The following SLC24A2 variants were observed in gnomAD, a reference collection of about 807,000 sequenced individuals.
SLC24A2 encodes sodium/potassium/calcium exchanger 2.
In SLC24A2, 36 loss-of-function variants were observed where a neutral mutation model predicts 62.0. That is an observed-to-expected ratio of 0.58 (90% CI 0.44 to 0.77). The LOEUF (loss-of-function observed/expected upper bound fraction) is 0.77. SLC24A2 is among the 30% of genes least tolerant of loss of function. The pLI is 0.00. For synonymous variants in SLC24A2, 358 were observed against 294.0 expected (o/e 1.22, Z -2.23); for missense variants, 846 against 817.9 (o/e 1.03, Z -0.42).
the SLC24A2 span, among the ~76,000 whole-genome samples, chr9:19,907,292 A>C: frequency 6.6e-6 from 1 of 152,236 alleles, no homozygotes; most frequent in African/African-American, 2.4e-5. Flanking sequence ...CATGCTAAAA[A>C]CACTCAATAA....
chr9:19,708,808 A>G (rs1041871016), intron 2 of SLC24A2, among the ~76,000 whole-genome samples: 1 of 152,200 alleles, frequency 6.6e-6, no homozygotes, highest in Non-Finnish European at 1.5e-5. Flanking sequence ...AAACCCTAGA[A>G]GAAAACCTAG....
chr9:20,093,416 CTTTTTT>C, the SLC24A2 span, among the ~76,000 whole-genome samples: 81 of 152,022 alleles, frequency 5.3e-4, 1 homozygote, highest in African/African-American at 1.9e-3. Flanking sequence ...TTCTTTTTAT[CTTTTTT>C]GAGTTACTCT....
At chr9:19,768,712 G>A (rs904195865) in intron 2 of SLC24A2, among the ~76,000 whole-genome samples, 2 of 152,134 alleles carry the variant, frequency 1.3e-5, no homozygotes, top group African/African-American at 4.8e-5. Flanking sequence ...TTTATTTCAG[G>A]AATTTTCCAT....
intron 5 of SLC24A2, among the ~76,000 whole-genome samples, chr9:19,588,779 G>A (rs969392022): frequency 1.1e-4 from 16 of 152,102 alleles, no homozygotes; most frequent in Non-Finnish European, 1.8e-4. Context: ...TGGTCAACAC[G>A]GTGAAACCCC....
At chr9:19,596,995 A>G (rs1186838511) in intron 5 of SLC24A2, among the ~76,000 whole-genome samples, 2 of 152,192 alleles carry the variant, frequency 1.3e-5, no homozygotes, top group Non-Finnish European at 2.9e-5. Context: ...TGTGTTACAT[A>G]ATTATGATGG....
At chr9:19,886,327 A>T in the SLC24A2 span, among the ~76,000 whole-genome samples, 1 of 150,526 alleles carries the variant, frequency 6.6e-6, no homozygotes, top group Non-Finnish European at 1.5e-5. Flanking sequence ...TGTAGTTTTG[A>T]TTTGCATTTC....
At chr9:19,578,996 G>A (rs1008640888) in intron 5 of SLC24A2, among the ~76,000 whole-genome samples, 2 of 152,206 alleles carry the variant, frequency 1.3e-5, no homozygotes, top group Non-Finnish European at 2.9e-5. Context: ...GAGAAAAGGA[G>A]GTTGGTGTGT....
chr9:19,550,370 A>G, intron 7 of SLC24A2, 102 bp from the exon 8 acceptor site: 1 of 1,243,888 alleles, frequency 8.0e-7, no homozygotes, highest in South Asian at 1.2e-5. Context: ...ATGTCTTATC[A>G]GTTTTCTGGA....
At chr9:20,274,087 T>C in the SLC24A2 span, among the ~76,000 whole-genome samples, 1 of 152,220 alleles carries the variant, frequency 6.6e-6, no homozygotes, top group African/African-American at 2.4e-5. Flanking sequence ...GACACTGTTC[T>C]GAGCACTGAG....
At chr9:19,650,822 A>AGTGTGTGTGTGTGTGTGT (rs61576823) in intron 2 of SLC24A2, among the ~76,000 whole-genome samples, 341 of 149,180 alleles carry the variant, frequency 2.3e-3, no homozygotes, top group African/African-American at 8.2e-3. Context: ...ATCAGCTTCT[A>AGTGTGTGTGTGTGTGTGT]GTGTGTGTGT....
At chr9:19,931,142 A>G in the SLC24A2 span, among the ~76,000 whole-genome samples, 2 of 152,220 alleles carry the variant, frequency 1.3e-5, no homozygotes, top group Non-Finnish European at 2.9e-5. Context: ...GACAATATCA[A>G]TAGCTAAAAT....
At chr9:19,590,484 T>C (rs540643378) in intron 5 of SLC24A2, among the ~76,000 whole-genome samples, 10 of 152,304 alleles carry the variant, frequency 6.6e-5, no homozygotes, top group Admixed American at 2.6e-4. Flanking sequence ...CATCCTGCCC[T>C]TCCTTATTAC....
the SLC24A2 span, among the ~76,000 whole-genome samples, chr9:19,952,992 T>G: frequency 8.5e-5 from 13 of 152,142 alleles, no homozygotes; most frequent in Non-Finnish European, 1.8e-4. Flanking sequence ...AAGTTTTATT[T>G]TTCAAATACT....
chr9:20,197,167 C>G, the SLC24A2 span, among the ~76,000 whole-genome samples: 1 of 152,124 alleles, frequency 6.6e-6, no homozygotes, highest in South Asian at 2.1e-4. Flanking sequence ...TTCTATATTA[C>G]TTGGATAAGA....
chr9:19,967,721 C>G, the SLC24A2 span: 1 of 152,154 alleles, frequency 6.6e-6, no homozygotes. Context: ...GAATTTCCAC[C>G]ACCTGCTTGC....
intron 9 of SLC24A2, among the ~76,000 whole-genome samples, chr9:19,525,364 G>C (rs189286526): frequency 1.5e-3 from 189 of 128,016 alleles, no homozygotes; most frequent in Admixed American, 3.1e-3. Context: ...GTACAGTTCT[G>C]CAAGGTTTTT....
At chr9:19,814,474 A>G in the SLC24A2 span, among the ~76,000 whole-genome samples, 2 of 152,306 alleles carry the variant, frequency 1.3e-5, no homozygotes, top group Admixed American at 6.5e-5. Context: ...CCAACTCTCT[A>G]TGTTCAGATC....
Position 19,636,435 on chromosome 9 carries a change from C to T in SLC24A2, c.931-14136G>A, listed in dbSNP as rs375815261. On this transcript the variant is annotated intron_variant, in intron 2 of 10. Coordinates refer to ENST00000341998, the MANE Select transcript of SLC24A2 (RefSeq NM_020344.4). ...TCTTTCTTTCCTCTTCTCTTCTCTT[C>T]TCTTTTCTTTTTTGGAGAGGGCATC... Among the ~76,000 whole-genome samples the T allele has an allele frequency of 4.8e-3, 320 of 66,800 alleles. 21 individuals are homozygous for T. The highest frequency in any genetic ancestry group is 0.016 in the African/African-American group (273 of 17,490). 43.8% of individuals were successfully genotyped at this position (66,800 alleles called of 152,430 possible).
At chr9:19,591,079 G>T (rs1836535437) in intron 5 of SLC24A2, among the ~76,000 whole-genome samples, 1 of 152,046 alleles carries the variant, frequency 6.6e-6, no homozygotes, top group Non-Finnish European at 1.5e-5. Context: ...AGTCCCCAGG[G>T]CTCAATTCTT....
Sources: allele counts gnomAD v4.1 joint callset (sites outside exome capture counted in the v4.1 genomes callset), GRCh38; gene constraint gnomAD v4.1.1; transcripts MANE v1.5; gene names NCBI Gene and HGNC (gene_info 2026-07-23, HGNC 2026-07-21).